The following PLA2G6 variants were observed in gnomAD, a reference collection of about 807,000 sequenced individuals.
The protein encoded by PLA2G6 is phospholipase A2 group VI.
Under a neutral mutation model 83.8 loss-of-function variants are expected in PLA2G6, and 62 were observed. The ratio of observed to expected loss-of-function variants is 0.74; its 90% CI spans 0.60 to 0.91. The LOEUF (loss-of-function observed/expected upper bound fraction) is 0.91, where lower values mean the gene tolerates loss of function less well. Ranked by LOEUF, PLA2G6 falls within the 40% of genes least tolerant of loss-of-function variation. The pLI is 0.00. For missense variants in PLA2G6, 944 were observed against 1,102.0 expected (o/e 0.86, Z 2.03); for synonymous variants, 417 against 449.8 (o/e 0.93, Z 0.92).
At position 38,145,355 on chromosome 22, in the gene PLA2G6, A is replaced by T. The variant is rs1451573076; in HGVS notation, c.425+83T>A. The T allele has an allele frequency of 3.5e-6, 4 of 1,154,840 alleles. No homozygotes were observed. The East Asian group carries it at 1.0e-4, about 29-fold the overall frequency. The allele number at this position is 1,154,840 out of a possible 1,614,324, so 71.5% of individuals were successfully genotyped here. A position where few individuals can be genotyped will look rare whatever the true frequency, so the allele number is the denominator to read the frequency against. On this transcript the variant is annotated intron_variant, in intron 3 of 16. Coordinates refer to ENST00000332509, the MANE Select transcript of PLA2G6 (RefSeq NM_003560.4). ...TGCTCCTTTTTAAGTCAAACTATGG[A>T]GGGGAACCGAGGCCTGCGGCCCCCA...
In PLA2G6 at chr22:38,143,160, T is replaced by C. The variant is rs746116318; in HGVS notation, c.554A>G (p.Lys185Arg). The C allele has an allele frequency of 3.7e-6, 6 of 1,614,078 alleles. No individual in the cohort carries two copies. The highest frequency in any genetic ancestry group is 1.1e-5 in the South Asian group (1 of 91,090). Residue 185 changes from lysine (K) to arginine (R), a missense_variant, in exon 4 of 17, where the codon AAG becomes AGG. Coordinates refer to ENST00000332509, the MANE Select transcript of PLA2G6 (RefSeq NM_003560.4). ...AGCATAATGGAAGACGGTCTCTCCC[T>C]TGTAGTCGGTGACATCCATCTGAGT... Reference protein sequence around the residue: ...CHTQMDVTDYKGETVFHYAVQ... With the variant: ...CHTQMDVTDYRGETVFHYAVQ...
At chr22:38,114,351 A>AT (rs1478341795) in intron 14 of PLA2G6, among the ~76,000 whole-genome samples, 1 of 151,928 alleles carries the variant, frequency 6.6e-6, no homozygotes, top group Admixed American at 6.6e-5. Context: ...CGCCTGGCTA[A>AT]TTTTTTTGTA....
chr22:38,169,315 C>G lies in PLA2G6; in HGVS notation c.112G>C (p.Val38Leu). The G allele has an allele frequency of 1.2e-6, 2 of 1,614,232 alleles. No individual in the cohort carries two copies. Among genetic ancestry groups the G allele is most frequent in the Non-Finnish European group, 1.7e-6 (2 of 1,180,036 alleles). ...AVADYTSSDRVREEGQLILFQ... is the reference protein window; with the variant it reads ...AVADYTSSDRLREEGQLILFQ... Reference sequence around the variant, plus strand: ...AGAATCAGCTGCCCTTCCTCCCGAACTCGGTCACTCGAGGTGTAGTCGGCC... The same window carrying G: ...AGAATCAGCTGCCCTTCCTCCCGAAGTCGGTCACTCGAGGTGTAGTCGGCC... Residue 38 changes from valine (V) to leucine (L), a missense_variant, in exon 2 of 17, where the codon GTT (valine) becomes CTT (leucine). Transcript: ENST00000332509.
chr22:38,145,253 T>C, intron 3 of PLA2G6, 185 bp downstream of exon 3: 2 of 664,214 alleles, frequency 3.0e-6, no homozygotes, highest in South Asian at 3.4e-5. Flanking sequence ...GGTCTTGAAC[T>C]CCTAGTCTCA....
chr22:38,133,153 G>C, intron 6 of PLA2G6, 140 bp from the exon 7 acceptor site: 1 of 810,156 alleles, frequency 1.2e-6, no homozygotes. Flanking sequence ...GGATTCCAGG[G>C]GCAGGCCCCA....
intron 11 of PLA2G6, among the ~76,000 whole-genome samples, chr22:38,122,873 G>A (rs970214629): frequency 2.0e-5 from 3 of 152,158 alleles, no homozygotes; most frequent in Non-Finnish European, 4.4e-5. Context: ...TACCCTCTGT[G>A]GCCAGAGGGC....
At chr22:38,145,329 C>T in intron 3 of PLA2G6, 109 bp downstream of exon 3, 1 of 936,006 alleles carries the variant, frequency 1.1e-6, no homozygotes, top group Non-Finnish European at 1.7e-6. Flanking sequence ...ATGCCAGGCC[C>T]TGCTCCTTTT....
chr22:38,156,816 C>T lies in PLA2G6; in HGVS notation c.210-11163G>A, dbSNP rs146743131. Among the ~76,000 whole-genome samples the T allele has an allele frequency of 2.7e-3, 410 of 152,144 alleles. 1 individual carries two copies. The highest frequency in any genetic ancestry group is 9.4e-3 in the African/African-American group (391 of 41,520). On this transcript the variant is annotated intron_variant, in intron 2 of 16. Coordinates refer to ENST00000332509, the MANE Select transcript of PLA2G6 (RefSeq NM_003560.4). Reference sequence around the variant, plus strand: ...CTGTGATCACAATGAAATAAAACTACAAATCAAAAACAAGGTATTTTGCAC... The same window carrying T: ...CTGTGATCACAATGAAATAAAACTATAAATCAAAAACAAGGTATTTTGCAC...
rs2090351736 is a variant in PLA2G6, at chr22:38,169,472, C to G, written c.-45-1G>C. On this transcript the variant is annotated splice_acceptor_variant, in intron 1 of 16. Coordinates refer to ENST00000332509, the MANE Select transcript of PLA2G6 (RefSeq NM_003560.4). LOFTEE classifies it low-confidence loss of function (5UTR_SPLICE). ...AGGCCCCACCGTCTTCCCCCTCTGT[C>G]TGGAAGAAAACGAGGTCTCTGGTCA... 2 of 1,555,656 alleles carry G rather than the reference C, an allele frequency of 1.3e-6. No homozygotes were observed. Among genetic ancestry groups the G allele is most frequent in the African/African-American group, 1.4e-5 (1 of 73,746 alleles).
intron 10 of PLA2G6, among the ~76,000 whole-genome samples, chr22:38,125,191 T>C (rs966450448): frequency 1.3e-5 from 2 of 151,788 alleles, no homozygotes; most frequent in Non-Finnish European, 2.9e-5. Flanking sequence ...TGTGTGCGCA[T>C]GTGTATGTGT....
chr22:38,169,101 C>A, intron 2 of PLA2G6, 117 bp downstream of exon 2: 2 of 822,306 alleles, frequency 2.4e-6, no homozygotes, highest in Non-Finnish European at 4.1e-6. Context: ...TCTCCCACCC[C>A]TCTCCAGACC....
At position 38,143,158 on chromosome 22, in the gene PLA2G6, C is replaced by G. The variant is rs774506519; in HGVS notation, c.556G>C (p.Gly186Arg). 1 of 1,614,082 alleles carries G rather than the reference C, an allele frequency of 6.2e-7. No individual in the cohort carries two copies. The highest frequency in any genetic ancestry group is 8.5e-7 in the Non-Finnish European group (1 of 1,180,038). Residue 186 changes from glycine to arginine, a missense_variant, in exon 4 of 17, where the codon GGA becomes CGA. By Grantham distance (125) the Gly-to-Arg change is moderately radical. Coordinates refer to ENST00000332509, the MANE Select transcript of PLA2G6 (RefSeq NM_003560.4). ...ACAGCATAATGGAAGACGGTCTCTC[C>G]CTTGTAGTCGGTGACATCCATCTGA... ...HTQMDVTDYK[G>R]ETVFHYAVQG...
intron 2 of PLA2G6, among the ~76,000 whole-genome samples, chr22:38,162,925 G>T (rs1331102810): frequency 6.6e-6 from 1 of 152,108 alleles, no homozygotes; most frequent in African/African-American, 2.4e-5. Context: ...GGCTCTGGAG[G>T]ACACACGGGG....
At position 38,123,072 on chromosome 22, in the gene PLA2G6, C is replaced by G. The variant is rs1569251976; in HGVS notation, c.1591+23G>C. On this transcript the variant is annotated intron_variant, in intron 11 of 16. Coordinates refer to ENST00000332509, the MANE Select transcript of PLA2G6 (RefSeq NM_003560.4). This position sits in a 1 kb window ranked among gnomAD's most constrained non-coding sequence, Gnocchi z 4.1. ...ACACAGGTCTCAGCCCCGCCTGGCCCCATCCCCAGGGGCCGCCCTCACTGT... is the reference window on the plus strand; with the variant it reads ...ACACAGGTCTCAGCCCCGCCTGGCCGCATCCCCAGGGGCCGCCCTCACTGT... The G allele has an allele frequency of 6.5e-7, 1 of 1,546,262 alleles. No homozygotes were observed. Among genetic ancestry groups the G allele is most frequent in the Non-Finnish European group, 8.7e-7 (1 of 1,146,296 alleles).
chr22:38,112,526 T>A lies in PLA2G6; in HGVS notation c.2254A>T (p.Met752Leu). The A allele has an allele frequency of 6.4e-7, 1 of 1,556,054 alleles. No individual in the cohort carries two copies. The highest frequency in any genetic ancestry group is 8.7e-7 in the Non-Finnish European group (1 of 1,150,960). Residue 752 changes from methionine (M) to leucine (L), a missense_variant, in exon 16 of 17, where the codon ATG (methionine) becomes TTG (leucine). Met to Leu is a conservative substitution (Grantham distance 15). Transcript: ENST00000332509. Reference protein sequence around the residue: ...AVDRARAWCEMVGIQYFRLNP... With the variant: ...AVDRARAWCELVGIQYFRLNP... ...CACCTGAAGTACTGGATGCCGACCA[T>A]CTCGCACCAGGCCCGTGCCCGGTCC...
chr22:38,153,113 C>T (rs2089637544), intron 2 of PLA2G6, among the ~76,000 whole-genome samples: 1 of 152,060 alleles, frequency 6.6e-6, no homozygotes, highest in Admixed American at 6.5e-5. Context: ...GTTCTGTTAT[C>T]AAATGAAGGT....
chr22:38,113,455 G>A, intron 15 of PLA2G6, 32 bp downstream of exon 15: 2 of 1,610,574 alleles, frequency 1.2e-6, no homozygotes, highest in Non-Finnish European at 1.7e-6. Context: ...AGACCCTGAG[G>A]GAAGTGGCCT....
intron 2 of PLA2G6, among the ~76,000 whole-genome samples, chr22:38,155,002 C>T (rs943982705): frequency 5.3e-5 from 8 of 152,236 alleles, no homozygotes; most frequent in Non-Finnish European, 2.9e-5. Flanking sequence ...CCAAGGCAGG[C>T]GGATCACAAG....
At chr22:38,150,399 C>T (rs150997863) in intron 2 of PLA2G6, 4 of 152,232 alleles carry the variant, frequency 2.6e-5, no homozygotes, top group Non-Finnish European at 4.4e-5. Context: ...AATGAACTAC[C>T]AGCCAACAGC....
Sources: gnomAD v4.1 joint callset for allele counts (sites outside exome capture counted in the v4.1 genomes callset) on GRCh38, gnomAD v4.1.1 for gene constraint, Gnocchi (gnomAD v3.1) non-coding constraint, MANE v1.5 for transcripts, NCBI Gene and HGNC (gene_info 2026-07-23, HGNC 2026-07-21) for gene names.